The following TAFA2 variants were observed in gnomAD, a reference collection of about 807,000 sequenced individuals.
TAFA2 encodes the protein TAFA chemokine like family member 2.
Under a neutral mutation model 18.8 loss-of-function variants are expected in TAFA2, and 7 were observed. The ratio of observed to expected loss-of-function variants is 0.37; its 90% CI spans 0.21 to 0.70. TAFA2 has a LOEUF of 0.70. TAFA2 is among the 30% of genes least tolerant of loss of function. The pLI, the probability that TAFA2 is intolerant of heterozygous loss-of-function variation, is 0.53. For missense variants in TAFA2, 122 were observed against 158.1 expected, an observed-to-expected ratio of 0.77 and a Z score of 1.23; for synonymous variants, 60 against 54.2, an observed-to-expected ratio of 1.11 and a Z score of -0.47.
intron 1 of TAFA2, among the ~76,000 whole-genome samples, chr12:62,244,323 A>C (rs1300949101): frequency 6.6e-6 from 1 of 150,524 alleles, no homozygotes; most frequent in Non-Finnish European, 1.5e-5. Context: ...TATATATTAT[A>C]GTTACATACA....
chr12:61,804,569 G>A (rs1477998787), intron 2 of TAFA2, among the ~76,000 whole-genome samples: 1 of 151,978 alleles, frequency 6.6e-6, no homozygotes, highest in Non-Finnish European at 1.5e-5. Flanking sequence ...ACTTCATTTT[G>A]TATTACAATG....
chr12:61,762,726 G>A (rs893507949), intron 2 of TAFA2, among the ~76,000 whole-genome samples: 4 of 151,530 alleles, frequency 2.6e-5, no homozygotes, highest in Non-Finnish European at 4.4e-5. Flanking sequence ...CTACAAAAGA[G>A]AGTAAATTTA....
At chr12:61,960,037 G>A (rs1379813685) in intron 1 of TAFA2, among the ~76,000 whole-genome samples, 20 of 151,926 alleles carry the variant, frequency 1.3e-4, no homozygotes. Flanking sequence ...ACCGGAACTA[G>A]CTTGCAGCAC....
At chr12:61,792,891 A>G (rs545956656) in intron 2 of TAFA2, among the ~76,000 whole-genome samples, 26 of 151,598 alleles carry the variant, frequency 1.7e-4, no homozygotes, top group Non-Finnish European at 3.2e-4. Flanking sequence ...AATATAGAAA[A>G]TTTGCACAAC....
At chr12:62,067,180 A>C (rs941818787) in intron 1 of TAFA2, among the ~76,000 whole-genome samples, 14 of 151,810 alleles carry the variant, frequency 9.2e-5, no homozygotes, top group Non-Finnish European at 1.6e-4. Context: ...TTTCCTATAG[A>C]GTTGTTTGAG....
intron 1 of TAFA2, among the ~76,000 whole-genome samples, chr12:62,213,546 G>C (rs2062722308): frequency 6.6e-6 from 1 of 151,936 alleles, no homozygotes; most frequent in Non-Finnish European, 1.5e-5. Context: ...AGGAGGCTAA[G>C]GCAGGAGAAT....
At chr12:62,060,210 A>G (rs555872945) in intron 1 of TAFA2, among the ~76,000 whole-genome samples, 54 of 152,354 alleles carry the variant, frequency 3.5e-4, no homozygotes, top group Admixed American at 1.1e-3. Flanking sequence ...GCCAAGAAAT[A>G]CAAGCTTCTA....
At chr12:61,852,567 A>G (rs551466412) in intron 2 of TAFA2, among the ~76,000 whole-genome samples, 34 of 152,310 alleles carry the variant, frequency 2.2e-4, no homozygotes, top group Non-Finnish European at 4.9e-4. Context: ...AGGAAGCTCT[A>G]TCAAGTCCAA....
At chr12:61,779,414 C>G (rs1011917355) in intron 2 of TAFA2, among the ~76,000 whole-genome samples, 6 of 151,722 alleles carry the variant, frequency 4.0e-5, no homozygotes, top group Admixed American at 3.9e-4. Context: ...AATCAAAACC[C>G]ATTTGAGAGT....
rs540409295 is a variant in TAFA2 at position 61,866,206 on chromosome 12, C to T, written c.106+1114G>A. Among the ~76,000 whole-genome samples, 4 of 152,158 alleles carry T rather than the reference C, an allele frequency of 2.6e-5. No homozygotes were observed. In the South Asian group the frequency reaches 8.3e-4, roughly 32 times the overall value. ...AACAGGATAACGAAATATGAAGAAA[C>T]TCTTCATAAAATTTTATTTTGCAAG... is the stretch of plus-strand genomic sequence containing the variant. On this transcript the variant is annotated intron_variant, in intron 2 of 4. Coordinates refer to ENST00000416284, the MANE Select transcript of TAFA2 (RefSeq NM_178539.5).
At chr12:62,025,340 C>G (rs187440909) in intron 1 of TAFA2, among the ~76,000 whole-genome samples, 208 of 152,016 alleles carry the variant, frequency 1.4e-3, no homozygotes, top group Non-Finnish European at 1.0e-3. Flanking sequence ...TCAACCATAC[C>G]CTAAACCTTA....
intron 1 of TAFA2, among the ~76,000 whole-genome samples, chr12:62,163,450 G>A (rs565858579): frequency 5.3e-5 from 8 of 152,252 alleles, no homozygotes; most frequent in African/African-American, 1.7e-4. Flanking sequence ...TGGCATGGCT[G>A]TTTAAAAGAG....
At position 61,960,833 on chromosome 12, in the gene TAFA2, A is replaced by AT. The variant is rs898239333; in HGVS notation, c.-1-93408dup. Among the ~76,000 whole-genome samples the AT allele has an allele frequency of 1.4e-4, 22 of 151,920 alleles. 1 individual carries two copies. Among genetic ancestry groups the AT allele is most frequent in the Admixed American group, 2.6e-4 (4 of 15,234 alleles). Reference sequence around the variant, plus strand: ...GCTTTGCTTCAGCCATAAACTAAACATTTATAACATCTCATAAGCTTATAC... The same window carrying AT: ...GCTTTGCTTCAGCCATAAACTAAACATTTTATAACATCTCATAAGCTTATAC... On this transcript the variant is annotated intron_variant, in intron 1 of 4. Transcript: ENST00000416284.
chr12:61,725,365 G>A (rs1474963841), intron 4 of TAFA2, among the ~76,000 whole-genome samples: 1 of 151,938 alleles, frequency 6.6e-6, no homozygotes, highest in East Asian at 1.9e-4. Flanking sequence ...GCATAAGCTG[G>A]TGTCTATAAG....
At chr12:62,001,149 A>G (rs1263332769) in intron 1 of TAFA2, among the ~76,000 whole-genome samples, 1 of 152,164 alleles carries the variant, frequency 6.6e-6, no homozygotes, top group East Asian at 1.9e-4. Flanking sequence ...AGGTTATTTA[A>G]GTTGCTAAAA....
intron 2 of TAFA2, among the ~76,000 whole-genome samples, chr12:61,759,223 G>A (rs1463035951): frequency 6.6e-6 from 1 of 151,988 alleles, no homozygotes; most frequent in Non-Finnish European, 1.5e-5. Flanking sequence ...AGTAACTGTG[G>A]CATTCACTAG....
chr12:62,056,831 T>G (rs981696175), intron 1 of TAFA2, among the ~76,000 whole-genome samples: 1 of 152,196 alleles, frequency 6.6e-6, no homozygotes, highest in Non-Finnish European at 1.5e-5. Flanking sequence ...ACATCAAGCG[T>G]AACAATAACC....
chr12:61,765,628 A>C (rs1332022851), intron 2 of TAFA2, among the ~76,000 whole-genome samples: 1 of 152,264 alleles, frequency 6.6e-6, no homozygotes, highest in Non-Finnish European at 1.5e-5. Flanking sequence ...TAGGTGAAAT[A>C]GGAATTGTGA....
intron 1 of TAFA2, among the ~76,000 whole-genome samples, chr12:62,143,290 T>C (rs773897397): frequency 2.0e-5 from 3 of 152,148 alleles, no homozygotes; most frequent in Non-Finnish European, 4.4e-5. Flanking sequence ...GAATCCCCCA[T>C]GGATGAGTAG....
Sources: gnomAD v4.1 joint callset for allele counts (sites outside exome capture counted in the v4.1 genomes callset) on GRCh38, gnomAD v4.1.1 for gene constraint, MANE v1.5 for transcripts, NCBI Gene and HGNC (gene_info 2026-07-23, HGNC 2026-07-21) for gene names.